HIKESHI: variants seen among roughly 807,000 people sequenced by gnomAD.
The protein encoded by HIKESHI is heat shock protein nuclear import factor hikeshi.
HIKESHI carries 13 observed loss-of-function variants against 25.7 expected under a neutral mutation model. The ratio of observed to expected loss-of-function variants is 0.51; its 90% CI spans 0.33 to 0.80. The LOEUF (loss-of-function observed/expected upper bound fraction) is 0.80. Ranked by LOEUF, HIKESHI falls within the 30% of genes least tolerant of loss-of-function variation. HIKESHI has a pLI of 0.02. For missense variants in HIKESHI, 174 were observed against 229.5 expected (o/e 0.76, Z 1.56); for synonymous variants, 76 against 78.7 (o/e 0.97, Z 0.18).
intron 2 of HIKESHI, among the ~76,000 whole-genome samples, chr11:86,309,273 A>T (rs193110814): frequency 2.3e-4 from 35 of 152,244 alleles, no homozygotes; most frequent in Admixed American, 2.3e-3. Flanking sequence ...AACTGGCGTG[A>T]GATGGTATCT....
At chr11:86,314,888 G>A (rs1946932726) in intron 2 of HIKESHI, among the ~76,000 whole-genome samples, 1 of 152,148 alleles carries the variant, frequency 6.6e-6, no homozygotes, top group Non-Finnish European at 1.5e-5. Context: ...AGCAGACCTG[G>A]TGACTGAGAA....
intron 2 of HIKESHI, among the ~76,000 whole-genome samples, chr11:86,316,771 CTTTTTTTTTTTTTTT>C (rs71040229): frequency 7.9e-4 from 54 of 68,786 alleles, no homozygotes; most frequent in Non-Finnish European, 9.6e-4. Flanking sequence ...CTGAAACATT[CTTTTTTTTTTTTTTT>C]TTTTTTTTTT....
In HIKESHI at chr11:86,325,232, C is replaced by T. The variant is rs12224884; in HGVS notation, c.269-12147C>T. 2.1e-3 allele frequency among the ~76,000 whole-genome samples: 317 copies of T among 151,936 alleles called. 4 individuals are homozygous for T. The East Asian group carries it at 0.049, about 24-fold the overall frequency. On this transcript the variant is annotated intron_variant, in intron 2 of 4. Transcript: ENST00000278483. ...TTTTGGCAGTGCTTATGATTCTGTA[C>T]TGAATGATGTGATGTGAACAGATTT...
intron 2 of HIKESHI, 73 bp from the exon 3 acceptor site, chr11:86,337,306 T>C: frequency 7.0e-7 from 1 of 1,425,210 alleles, no homozygotes. Context: ...AGAGGTTCTT[T>C]ATAAATTTAC....
chr11:86,305,676 C>G (rs7118858), intron 1 of HIKESHI, among the ~76,000 whole-genome samples: 13,415 of 152,080 alleles, frequency 0.088, 901 homozygotes, highest in African/African-American at 0.18. Flanking sequence ...CCGTGCCTGG[C>G]CTAGTTATTT....
intron 2 of HIKESHI, among the ~76,000 whole-genome samples, chr11:86,334,573 A>G (rs1231857469): frequency 1.3e-5 from 2 of 152,098 alleles, no homozygotes; most frequent in East Asian, 1.9e-4. Flanking sequence ...TTATTTTTGC[A>G]TCTATTTGAT....
intron 2 of HIKESHI, among the ~76,000 whole-genome samples, chr11:86,321,779 C>G (rs980408852): frequency 2.0e-5 from 3 of 152,146 alleles, no homozygotes; most frequent in African/African-American, 7.2e-5. Context: ...ATCTGCCTGC[C>G]TCAGCCTCCC....
intron 3 of HIKESHI, among the ~76,000 whole-genome samples, chr11:86,339,525 G>A (rs1016747752): frequency 3.9e-5 from 6 of 152,112 alleles, no homozygotes; most frequent in Non-Finnish European, 8.8e-5. Context: ...AAGAAATTAA[G>A]GCATTATAGA....
chr11:86,319,363 G>T (rs577184056), intron 2 of HIKESHI, among the ~76,000 whole-genome samples: 2 of 149,716 alleles, frequency 1.3e-5, no homozygotes, highest in Non-Finnish European at 3.0e-5. Flanking sequence ...TCAGCCTCCC[G>T]AGGAGCTAGG....
chr11:86,342,740 A>G (rs1358928839), intron 3 of HIKESHI, among the ~76,000 whole-genome samples: 9 of 140,818 alleles, frequency 6.4e-5, no homozygotes, highest in Non-Finnish European at 9.2e-5. Flanking sequence ...TTTTTTTACC[A>G]TGAGTAATAG....
intron 1 of HIKESHI, among the ~76,000 whole-genome samples, 168 bp from the exon 2 acceptor site, chr11:86,306,077 G>T (rs1946615339): frequency 6.6e-6 from 1 of 152,070 alleles, no homozygotes; most frequent in South Asian, 2.1e-4. Flanking sequence ...GCATTTAGTA[G>T]ATTATGATTG....
chr11:86,320,786 A>G (rs1257561492), intron 2 of HIKESHI, among the ~76,000 whole-genome samples: 1 of 152,154 alleles, frequency 6.6e-6, no homozygotes, highest in Non-Finnish European at 1.5e-5. Context: ...GATGTACTTT[A>G]TGTCACTATA....
intron 3 of HIKESHI, 51 bp downstream of exon 3, chr11:86,337,581 A>C: frequency 6.4e-7 from 1 of 1,551,036 alleles, no homozygotes; most frequent in Non-Finnish European, 8.8e-7. Flanking sequence ...TGCTTTATTA[A>C]GGTATAATAT....
At chr11:86,333,804 A>G (rs1947479926) in intron 2 of HIKESHI, among the ~76,000 whole-genome samples, 1 of 152,212 alleles carries the variant, frequency 6.6e-6, no homozygotes, top group Non-Finnish European at 1.5e-5. Context: ...AATTGGCTTG[A>G]TCATTCTAAA....
At chr11:86,307,611 A>C (rs4381389) in intron 2 of HIKESHI, among the ~76,000 whole-genome samples, 11,363 of 26,896 alleles carry the variant, frequency 0.42, 3,049 homozygotes, top group East Asian at 0.67. Context: ...CATTATATAT[A>C]AAATATATAT....
intron 2 of HIKESHI, among the ~76,000 whole-genome samples, chr11:86,333,008 T>G (rs1187034002): frequency 6.6e-6 from 1 of 150,632 alleles, no homozygotes; most frequent in Non-Finnish European, 1.5e-5. Context: ...AAATTCATAC[T>G]TTTAAATATT....
chr11:86,338,555 T>TA (rs921926231), intron 3 of HIKESHI, among the ~76,000 whole-genome samples: 17 of 152,140 alleles, frequency 1.1e-4, no homozygotes, highest in African/African-American at 4.1e-4. Flanking sequence ...GAAATTGAAA[T>TA]AAAAAAAGAC....
chr11:86,343,890 G>A (rs1346699688), intron 3 of HIKESHI: 17 of 152,150 alleles, frequency 1.1e-4, no homozygotes, highest in Admixed American at 1.1e-3. Context: ...TTACTTTTAG[G>A]GTTAGTACTT....
chr11:86,330,985 G>A (rs1335716603), intron 2 of HIKESHI, among the ~76,000 whole-genome samples: 1 of 152,070 alleles, frequency 6.6e-6, no homozygotes, highest in African/African-American at 2.4e-5. Flanking sequence ...CTCATTACTG[G>A]TTGTATAATC....
Sources: allele counts gnomAD v4.1 joint callset (sites outside exome capture counted in the v4.1 genomes callset), GRCh38; gene constraint gnomAD v4.1.1; transcripts MANE v1.5; gene names NCBI Gene and HGNC (gene_info 2026-07-23, HGNC 2026-07-21).